The following AHI1 variants were observed in gnomAD, a reference collection of about 807,000 sequenced individuals.
AHI1 encodes the protein Abelson helper integration site 1, also known as jouberin.
AHI1 carries 123 observed loss-of-function variants against 149.3 expected under a neutral mutation model. That is an observed-to-expected ratio of 0.82 (90% CI 0.71 to 0.96). The LOEUF is 0.96. AHI1 is among the 40% of genes least tolerant of loss of function. AHI1 has a pLI of 0.00. For synonymous variants in AHI1, 475 were observed against 459.8 expected, an observed-to-expected ratio of 1.03 and a Z score of -0.42; for missense variants, 1,439 against 1,422.7, an observed-to-expected ratio of 1.01 and a Z score of -0.18.
intron 26 of AHI1, among the ~76,000 whole-genome samples, chr6:135,308,077 G>A (rs1368774020): frequency 6.6e-6 from 1 of 152,164 alleles, no homozygotes; most frequent in Non-Finnish European, 1.5e-5. Flanking sequence ...GCTGCTTGTC[G>A]AGTCAGAAGA....
Position 135,301,739 on chromosome 6 carries a change from A to G in AHI1, c.3427-1181T>C, listed in dbSNP as rs985308960. On this transcript the variant is annotated intron_variant, in intron 26 of 28. Transcript: ENST00000265602. ...ATTTGGTAGAACAACAAAAGAACCC[A>G]TGACATCTTAATTTTTCTCCACCAG... 6 of 985,352 alleles carry G rather than the reference A, an allele frequency of 6.1e-6. No homozygotes were observed. The African/African-American group carries it at 1.0e-4, about 17-fold the overall frequency. 61.0% of individuals were successfully genotyped at this position (985,352 alleles called of 1,614,324 possible).
At chr6:135,319,368 G>A (rs1453402741) in intron 25 of AHI1, among the ~76,000 whole-genome samples, 2 of 152,152 alleles carry the variant, frequency 1.3e-5, no homozygotes, top group Admixed American at 6.5e-5. Context: ...TCCCAGCTTT[G>A]GGAGGCTGAG....
At chr6:135,433,991 C>T (rs960562787) in intron 15 of AHI1, among the ~76,000 whole-genome samples, 3 of 151,948 alleles carry the variant, frequency 2.0e-5, no homozygotes, top group Admixed American at 6.5e-5. Context: ...AGATACTCTG[C>T]ATTTCTAACA....
At chr6:135,496,337 T>A (rs1456343327) in intron 2 of AHI1, among the ~76,000 whole-genome samples, 1 of 152,140 alleles carries the variant, frequency 6.6e-6, no homozygotes, top group Non-Finnish European at 1.5e-5. Flanking sequence ...AGGCTGATAC[T>A]GAACTCCTGA....
chr6:135,325,470 T>C (rs1172909516), intron 24 of AHI1, among the ~76,000 whole-genome samples: 1 of 152,254 alleles, frequency 6.6e-6, no homozygotes, highest in Non-Finnish European at 1.5e-5. Flanking sequence ...ATGTGCTGAG[T>C]GCTCACCATG....
chr6:135,388,004 T>A, intron 23 of AHI1: 1 of 1,613,762 alleles, frequency 6.2e-7, no homozygotes, highest in South Asian at 1.1e-5. Flanking sequence ...CACCATAATA[T>A]ACATGTGTTG....
intron 27 of AHI1, among the ~76,000 whole-genome samples, chr6:135,294,405 T>C (rs1782791867): frequency 6.7e-6 from 1 of 150,024 alleles, no homozygotes; most frequent in African/African-American, 2.5e-5. Flanking sequence ...GCTACTTGGG[T>C]GGCTGAGGCA....
At chr6:135,467,758 T>A in intron 5 of AHI1, 124 bp from the exon 6 acceptor site, 1 of 595,156 alleles carries the variant, frequency 1.7e-6, no homozygotes, top group Non-Finnish European at 2.8e-6. Context: ...TACCTGGACA[T>A]AGTGATACTA....
chr6:135,468,924 G>A (rs1791251143), intron 5 of AHI1, among the ~76,000 whole-genome samples: 1 of 152,052 alleles, frequency 6.6e-6, no homozygotes, highest in African/African-American at 2.4e-5. Context: ...TTCTACCAGA[G>A]GTACACAACA....
intron 28 of AHI1, among the ~76,000 whole-genome samples, chr6:135,289,581 G>A (rs1782087652): frequency 6.6e-6 from 1 of 151,894 alleles, no homozygotes; most frequent in Non-Finnish European, 1.5e-5. Context: ...AAAATTCTAT[G>A]ACTTTTTTTC....
At chr6:135,371,572 T>C (rs1775066236) in intron 23 of AHI1, among the ~76,000 whole-genome samples, 1 of 152,252 alleles carries the variant, frequency 6.6e-6, no homozygotes, top group African/African-American at 2.4e-5. Flanking sequence ...AATTTTATTC[T>C]ATTATTTAAT....
At chr6:135,389,307 T>TAAAA (rs773530746) in intron 23 of AHI1, among the ~76,000 whole-genome samples, 3 of 96,914 alleles carry the variant, frequency 3.1e-5, no homozygotes, top group Non-Finnish European at 6.4e-5. Flanking sequence ...AGACTCTGTC[T>TAAAA]AAAAAAAAAA....
At chr6:135,454,774 T>C (rs540591054) in intron 10 of AHI1, among the ~76,000 whole-genome samples, 12 of 152,314 alleles carry the variant, frequency 7.9e-5, no homozygotes, top group Non-Finnish European at 1.6e-4. Flanking sequence ...ATGACAAAGT[T>C]TGAAGACAAA....
At chr6:135,387,710 T>C in intron 23 of AHI1, 1 of 971,782 alleles carries the variant, frequency 1.0e-6, no homozygotes, top group Non-Finnish European at 1.3e-6. Flanking sequence ...TATCTTAAAA[T>C]ATCTTCCACT....
rs1342672518 is a variant in AHI1 at position 135,442,726 on chromosome 6, AC to A, written c.1780-13del. ...GGGATACGGCAAGCCTAAAAAACAT[AC>A]GTTTAAAAAATATAAATTAGCAAAC... On this transcript the variant is annotated splice_polypyrimidine_tract_variant and intron_variant, in intron 13 of 28. Transcript: ENST00000265602. 6.3e-7 allele frequency: 1 copy of A among 1,591,518 alleles called. No individual in the cohort carries two copies. Among genetic ancestry groups the A allele is most frequent in the African/African-American group, 1.3e-5 (1 of 74,192 alleles).
At chr6:135,479,154 G>A (rs1220279156) in intron 5 of AHI1, among the ~76,000 whole-genome samples, 1 of 152,370 alleles carries the variant, frequency 6.6e-6, no homozygotes, top group Non-Finnish European at 1.5e-5. Context: ...GAGAAATGAG[G>A]GGTTACAGCC....
rs192917050 is a variant in AHI1, at chr6:135,478,957, G to A, written c.136-11323C>T. Among the ~76,000 whole-genome samples the A allele has an allele frequency of 4.4e-3, 661 of 149,362 alleles. 5 individuals carry two copies. Among genetic ancestry groups the A allele is most frequent in the African/African-American group, 0.016 (634 of 38,844 alleles). On this transcript the variant is annotated intron_variant, in intron 5 of 28. Coordinates refer to ENST00000265602, the MANE Select transcript of AHI1 (RefSeq NM_001134831.2). ...ACAGCTCAGGCTATTAATTCAGAGG[G>A]TGAAAGCCTCAAGTCTTGGCAGCTT...
intron 6 of AHI1, 140 bp downstream of exon 6, chr6:135,467,441 T>C: frequency 1.5e-6 from 1 of 665,556 alleles, no homozygotes; most frequent in Non-Finnish European, 2.6e-6. Context: ...TAAAATAAAA[T>C]TCTGAATGAT....
chr6:135,383,281 AT>A (rs1777127328), intron 23 of AHI1, among the ~76,000 whole-genome samples: 1 of 118,926 alleles, frequency 8.4e-6, no homozygotes, highest in Non-Finnish European at 1.6e-5. Flanking sequence ...CCAGGCTGGA[AT>A]GTAGTGGTAC....
Sources: gnomAD v4.1 joint callset for allele counts (sites outside exome capture counted in the v4.1 genomes callset) on GRCh38, gnomAD v4.1.1 for gene constraint, MANE v1.5 for transcripts, NCBI Gene and HGNC (gene_info 2026-07-23, HGNC 2026-07-21) for gene names.